Variants in LARGE1 observed in about 807,000 individuals in gnomAD.
LARGE1 encodes the protein xylosyl- and glucuronyltransferase LARGE1.
In LARGE1, 43 loss-of-function variants were observed where a neutral mutation model predicts 87.6. The ratio of observed to expected loss-of-function variants is 0.49; its 90% CI spans 0.38 to 0.63. The LOEUF (loss-of-function observed/expected upper bound fraction) is 0.63, where lower values mean the gene tolerates loss of function less well. Among genes scored for constraint, LARGE1 ranks in the 30% least tolerant of loss-of-function variants. LARGE1 has a pLI of 0.00. For synonymous variants in LARGE1, 434 were observed against 394.6 expected (o/e 1.10, Z -1.18); for missense variants, 802 against 1,000.2 (o/e 0.80, Z 2.67).
chr22:33,459,338 T>C (rs1398704054), intron 6 of LARGE1, among the ~76,000 whole-genome samples: 1 of 152,154 alleles, frequency 6.6e-6, no homozygotes, highest in Non-Finnish European at 1.5e-5. Flanking sequence ...TCAGGCACTG[T>C]TTAGCATCTG....
chr22:33,298,302 T>C (rs5994715), intron 12 of LARGE1, among the ~76,000 whole-genome samples: 3,281 of 152,322 alleles, frequency 0.022, 111 homozygotes, highest in African/African-American at 0.075. Flanking sequence ...TCTCCCCTGT[T>C]CACTGTTCTA....
chr22:33,219,235 A>G (rs1925348059), intron 11 of LARGE1, among the ~76,000 whole-genome samples: 1 of 152,180 alleles, frequency 6.6e-6, no homozygotes, highest in Non-Finnish European at 1.5e-5. Flanking sequence ...CTTATTTTAG[A>G]GGCTGTGATT....
intron 2 of LARGE1, chr22:33,744,070 AGCAACAACTATGTGCC>A (rs1302496635): frequency 6.6e-6 from 1 of 152,180 alleles, no homozygotes; most frequent in Non-Finnish European, 1.5e-5. Context: ...ATATTTACTG[AGCAACAACTATGTGCC>A]GCAACAGATT....
At chr22:33,085,593 C>T in the LARGE1 span, among the ~76,000 whole-genome samples, 1 of 152,158 alleles carries the variant, frequency 6.6e-6, no homozygotes, top group African/African-American at 2.4e-5. Flanking sequence ...AATATCAATA[C>T]AATGTTCTTC....
chr22:33,626,270 G>C lies in LARGE1; in HGVS notation c.465C>G (p.Thr155=). Residue 155 remains threonine, a synonymous_variant, in exon 4 of 15, where the codon ACC becomes ACG. Coordinates refer to ENST00000397394, the MANE Select transcript of LARGE1 (RefSeq NM_133642.5). Reference sequence around the variant, plus strand: ...TATGGAACAGGACGGATTTGACCAGGGTGACGACATCCCGGCTGGCATTGT... The same window carrying C: ...TATGGAACAGGACGGATTTGACCAGCGTGACGACATCCCGGCTGGCATTGT... ...AGYNASRDVV[T]LVKSVLFHRR... 1 of 1,614,104 alleles carries C rather than the reference G, an allele frequency of 6.2e-7. No homozygotes were observed. Among genetic ancestry groups the C allele is most frequent in the Non-Finnish European group, 8.5e-7 (1 of 1,179,986 alleles).
At chr22:33,485,218 C>CT (rs35927122) in intron 6 of LARGE1, among the ~76,000 whole-genome samples, 1,130 of 103,084 alleles carry the variant, frequency 0.011, 15 homozygotes, top group Admixed American at 0.051. Flanking sequence ...CGGTCTGAGT[C>CT]TTTTTTTTTT....
the LARGE1 span, among the ~76,000 whole-genome samples, chr22:33,131,342 G>C: frequency 6.6e-6 from 1 of 152,028 alleles, no homozygotes; most frequent in South Asian, 2.1e-4. Flanking sequence ...GTGTTTGACT[G>C]TTTTTCCTTT....
intron 5 of LARGE1, among the ~76,000 whole-genome samples, chr22:33,601,018 C>T (rs967859839): frequency 3.9e-5 from 6 of 152,014 alleles, no homozygotes; most frequent in African/African-American, 1.2e-4. Context: ...TGCAATGAGC[C>T]GAGATCACGC....
At chr22:33,143,092 CT>C in the LARGE1 span, among the ~76,000 whole-genome samples, 1 of 152,098 alleles carries the variant, frequency 6.6e-6, no homozygotes, top group African/African-American at 2.4e-5. Context: ...AGACATATTC[CT>C]TCTCTCATGT....
At chr22:33,543,150 C>T (rs537651424) in intron 6 of LARGE1, among the ~76,000 whole-genome samples, 9 of 151,764 alleles carry the variant, frequency 5.9e-5, no homozygotes, top group Admixed American at 3.9e-4. Flanking sequence ...ATTGATCTCC[C>T]AGTAAGGCAC....
chr22:33,372,902 A>G (rs1291365466), intron 9 of LARGE1, among the ~76,000 whole-genome samples: 1 of 152,226 alleles, frequency 6.6e-6, no homozygotes, highest in Non-Finnish European at 1.5e-5. Context: ...TAAGTAGGAG[A>G]GTAATATGAA....
In LARGE1 at chr22:33,675,398, G is replaced by A. The variant is rs76895931; in HGVS notation, c.107-24730C>T. 0.011 allele frequency among the ~76,000 whole-genome samples: 1,575 copies of A among 149,064 alleles called. 98 individuals carry two copies. The East Asian group carries it at 0.18, about 17-fold the overall frequency. On this transcript the variant is annotated intron_variant, in intron 2 of 14. Coordinates refer to ENST00000397394, the MANE Select transcript of LARGE1 (RefSeq NM_133642.5). Reference sequence around the variant, plus strand: ...AGTGAGATTTGATCCAAGAACTGAAGAACAAGAGGGAATGAATAAGAAGAG... The same window carrying A: ...AGTGAGATTTGATCCAAGAACTGAAAAACAAGAGGGAATGAATAAGAAGAG...
At chr22:33,159,638 G>T (rs564983304), downstream of LARGE1, among the ~76,000 whole-genome samples, 1 of 149,404 alleles carries the variant, frequency 6.7e-6, no homozygotes, top group African/African-American at 2.5e-5. Flanking sequence ...AGGCTGGAGC[G>T]CAGCGGCACA....
At chr22:33,643,095 T>C (rs537099616) in intron 3 of LARGE1, among the ~76,000 whole-genome samples, 1 of 152,256 alleles carries the variant, frequency 6.6e-6, no homozygotes, top group South Asian at 2.1e-4. Context: ...AGAATATACA[T>C]TCTGCCCAGC....
intron 7 of LARGE1, among the ~76,000 whole-genome samples, chr22:33,399,160 C>A (rs2065853862): frequency 6.6e-6 from 1 of 151,976 alleles, no homozygotes. Flanking sequence ...CAAGAGGCCC[C>A]CATGTGTGAT....
chr22:33,121,902 T>A, the LARGE1 span, among the ~76,000 whole-genome samples: 1 of 152,042 alleles, frequency 6.6e-6, no homozygotes, highest in Non-Finnish European at 1.5e-5. Flanking sequence ...TATAAAACCA[T>A]CAGATCTCAT....
At chr22:33,659,166 C>A (rs79869909) in intron 2 of LARGE1, among the ~76,000 whole-genome samples, 1,631 of 152,334 alleles carry the variant, frequency 0.011, 37 homozygotes, top group African/African-American at 0.037. Flanking sequence ...GTTCCTTTCT[C>A]TTGACCAATC....
At chr22:33,350,780 T>C (rs966573775) in intron 9 of LARGE1, among the ~76,000 whole-genome samples, 1 of 152,156 alleles carries the variant, frequency 6.6e-6, no homozygotes, top group Non-Finnish European at 1.5e-5. Flanking sequence ...CTTCTTCCCA[T>C]GACTCTAATG....
At chr22:33,578,866 G>C (rs543642030) in intron 5 of LARGE1, among the ~76,000 whole-genome samples, 2 of 152,294 alleles carry the variant, frequency 1.3e-5, no homozygotes, top group Admixed American at 6.5e-5. Context: ...ACTAGATTGA[G>C]CTCATACTGT....
Sources: allele counts gnomAD v4.1 joint callset (sites outside exome capture counted in the v4.1 genomes callset), GRCh38; gene constraint gnomAD v4.1.1; transcripts MANE v1.5; gene names NCBI Gene and HGNC (gene_info 2026-07-23, HGNC 2026-07-21).